The following AGBL4 variants were observed in gnomAD, a reference collection of about 807,000 sequenced individuals.
The protein encoded by AGBL4 is cytosolic carboxypeptidase 6.
In AGBL4, 58 loss-of-function variants were observed where a neutral mutation model predicts 66.4. The ratio of observed to expected loss-of-function variants is 0.87; its 90% confidence interval spans 0.71 to 1.09. The LOEUF (loss-of-function observed/expected upper bound fraction) is 1.09, where lower values mean the gene tolerates loss of function less well. Among genes scored for constraint, AGBL4 ranks in the 50% least tolerant of loss-of-function variants. AGBL4 has a pLI of 0.00. For synonymous variants in AGBL4, 234 were observed against 222.9 expected (o/e 1.05, Z -0.44); for missense variants, 579 against 631.0 (o/e 0.92, Z 0.88).
At chr1:49,253,403 C>T (rs1167401867) in intron 3 of AGBL4, among the ~76,000 whole-genome samples, 1 of 152,086 alleles carries the variant, frequency 6.6e-6, no homozygotes. Flanking sequence ...GTCCCCTATG[C>T]ACATAAGCTA....
chr1:48,908,758 G>C (rs1352266310), intron 5 of AGBL4, among the ~76,000 whole-genome samples: 1 of 152,116 alleles, frequency 6.6e-6, no homozygotes, highest in South Asian at 2.1e-4. Context: ...TTACTCCAGA[G>C]CCTATGTTCC....
At chr1:49,114,063 A>G (rs1645467840) in intron 4 of AGBL4, among the ~76,000 whole-genome samples, 1 of 152,200 alleles carries the variant, frequency 6.6e-6, no homozygotes, top group Non-Finnish European at 1.5e-5. Flanking sequence ...CTGTCCTTTG[A>G]AGCCTTGAAG....
chr1:48,653,389 A>C lies in AGBL4; in HGVS notation c.787T>G (p.Phe263Val), dbSNP rs1029813075. Residue 263 changes from phenylalanine (F) to valine (V), a missense_variant, in exon 8 of 14, where the codon TTC becomes GTC. Phe to Val is a conservative substitution (Grantham distance 50, BLOSUM62 -1). Coordinates refer to ENST00000371839, the MANE Select transcript of AGBL4 (RefSeq NM_032785.4). Reference protein sequence around the residue: ...IACVLREYLVFKIAPMLNPDG... With the variant: ...IACVLREYLVVKIAPMLNPDG... ...GGATTGAGCATTGGTGCGATCTTGAAGACCAGGTATTCCCGGAGGACACAG... is the reference window on the plus strand; with the variant it reads ...GGATTGAGCATTGGTGCGATCTTGACGACCAGGTATTCCCGGAGGACACAG... 2 of 1,589,508 alleles carry C rather than the reference A, an allele frequency of 1.3e-6. No individual in the cohort carries two copies. The highest frequency in any genetic ancestry group is 8.6e-7 in the Non-Finnish European group (1 of 1,167,302).
intron 5 of AGBL4, among the ~76,000 whole-genome samples, chr1:48,869,037 T>C (rs1352366260): frequency 6.6e-6 from 1 of 152,160 alleles, no homozygotes; most frequent in Admixed American, 6.5e-5. Flanking sequence ...TCCTTCTTCA[T>C]TAACTTTGAT....
At chr1:49,053,208 G>C (rs577141318) in intron 4 of AGBL4, among the ~76,000 whole-genome samples, 12 of 152,140 alleles carry the variant, frequency 7.9e-5, no homozygotes, top group East Asian at 1.9e-4. Context: ...TCAAGGTAGG[G>C]GGTCAAGGAA....
intron 5 of AGBL4, among the ~76,000 whole-genome samples, chr1:49,032,538 G>A (rs1664315260): frequency 6.6e-6 from 1 of 152,148 alleles, no homozygotes; most frequent in African/African-American, 2.4e-5. Flanking sequence ...CAGTGAAGAG[G>A]TTACACTGTA....
intron 5 of AGBL4, among the ~76,000 whole-genome samples, chr1:48,949,302 T>C (rs182746832): frequency 6.6e-6 from 1 of 152,214 alleles, no homozygotes; most frequent in East Asian, 1.9e-4. Context: ...AGCAAAAGAC[T>C]ATGGGGAAAG....
At chr1:49,913,461 C>T (rs780676454) in intron 1 of AGBL4, among the ~76,000 whole-genome samples, 7 of 152,238 alleles carry the variant, frequency 4.6e-5, no homozygotes, top group Non-Finnish European at 7.3e-5. Flanking sequence ...ATTGGGCCCC[C>T]AAGGCCTCAG....
chr1:48,612,284 G>T (rs1197357576), intron 9 of AGBL4, among the ~76,000 whole-genome samples: 1 of 152,234 alleles, frequency 6.6e-6, no homozygotes, highest in Non-Finnish European at 1.5e-5. Context: ...TACGTCAGAG[G>T]AGTTTACACC....
At chr1:49,540,755 T>A (rs1445697937) in intron 3 of AGBL4, among the ~76,000 whole-genome samples, 1 of 152,204 alleles carries the variant, frequency 6.6e-6, no homozygotes, top group South Asian at 2.1e-4. Context: ...ATCATTTTAA[T>A]CATTCAACTA....
At chr1:49,240,738 A>G (rs1284808847) in intron 4 of AGBL4, among the ~76,000 whole-genome samples, 1 of 151,766 alleles carries the variant, frequency 6.6e-6, no homozygotes, top group Admixed American at 6.6e-5. Context: ...TAGACTGATG[A>G]CACCTTAATC....
rs1333339196 is a variant in AGBL4 at position 49,151,279 on chromosome 1, A to AT, written c.377+94490_377+94491insA. The stretch of plus-strand genomic sequence containing the variant: ...GCAAGACTCCGTCTCAAAAAAAAAA[A>AT]AAATATATATATATATATATGTATA... On this transcript the variant is annotated intron_variant, in intron 4 of 13. Coordinates refer to ENST00000371839, the MANE Select transcript of AGBL4 (RefSeq NM_032785.4). 1.5e-3 allele frequency among the ~76,000 whole-genome samples: 217 copies of AT among 147,410 alleles called. 2 individuals are homozygous for AT. Among genetic ancestry groups the AT allele is most frequent in the African/African-American group, 5.2e-3 (211 of 40,236 alleles).
intron 9 of AGBL4, among the ~76,000 whole-genome samples, chr1:48,595,545 C>T (rs570429699): frequency 1.5e-3 from 222 of 152,312 alleles, no homozygotes; most frequent in Non-Finnish European, 2.2e-3. Context: ...AGAGCATCTC[C>T]GTTCTTTCCT....
chr1:49,288,218 G>T (rs1483157395), intron 3 of AGBL4, among the ~76,000 whole-genome samples: 2 of 113,118 alleles, frequency 1.8e-5, no homozygotes, highest in Non-Finnish European at 3.5e-5. Context: ...CTGTGGTGGG[G>T]TGGGGGGAGG....
chr1:48,818,001 T>A, intron 6 of AGBL4: 1 of 711,168 alleles, frequency 1.4e-6, no homozygotes, highest in East Asian at 2.7e-5. Flanking sequence ...CCTGAGAGTC[T>A]GCAGTCTTAC....
At chr1:49,203,090 A>AAG (rs1647846071) in intron 4 of AGBL4, among the ~76,000 whole-genome samples, 1 of 149,818 alleles carries the variant, frequency 6.7e-6, no homozygotes, top group Admixed American at 6.7e-5. Context: ...GCTACTATCA[A>AAG]AAAAAAAAAA....
Position 48,534,270 on chromosome 1 carries a change from T to C in AGBL4, c.1415A>G (p.Lys472Arg). ...GGCTGGGCCCCGCAGGAGTGGGTGC[T>C]TGTAAGGAGGGGATTTTTCTTTCCT... ...QRRKEKSPPY[K>R]HPLLRGPASN... The change falls in exon 14 of 14, where the codon AAG (lysine) becomes AGG (arginine). Residue 472 changes from lysine to arginine, a missense_variant. Coordinates refer to ENST00000371839, the MANE Select transcript of AGBL4 (RefSeq NM_032785.4). The C allele has an allele frequency of 6.4e-7, 1 of 1,551,364 alleles. No homozygotes were observed. The highest frequency in any genetic ancestry group is 8.7e-7 in the Non-Finnish European group (1 of 1,146,856).
intron 4 of AGBL4, among the ~76,000 whole-genome samples, chr1:49,119,309 T>C (rs755193636): frequency 1.3e-5 from 2 of 152,224 alleles, no homozygotes; most frequent in Non-Finnish European, 2.9e-5. Context: ...ATTTTAGATC[T>C]TTTCTGCCTT....
chr1:48,813,085 A>G (rs150082857), intron 6 of AGBL4, among the ~76,000 whole-genome samples: 4,765 of 152,110 alleles, frequency 0.031, 244 homozygotes, highest in African/African-American at 0.11. Flanking sequence ...AGTTGTGCAC[A>G]TGTACCCTAA....
Sources: gnomAD v4.1 joint callset for allele counts (sites outside exome capture counted in the v4.1 genomes callset) on GRCh38, gnomAD v4.1.1 for gene constraint, MANE v1.5 for transcripts, NCBI Gene and HGNC (gene_info 2026-07-23, HGNC 2026-07-21) for gene names.